The following GRB10 variants were observed in gnomAD, a reference collection of about 807,000 sequenced individuals.
The protein encoded by GRB10 is growth factor receptor-bound protein 10.
In GRB10, 20 loss-of-function variants were observed where a neutral mutation model predicts 80.9. The ratio of observed to expected loss-of-function variants is 0.25; its 90% confidence interval spans 0.17 to 0.36. The LOEUF (loss-of-function observed/expected upper bound fraction) is 0.36. Among genes scored for constraint, GRB10 ranks in the 10% least tolerant of loss-of-function variants. The pLI, the probability that GRB10 is intolerant of heterozygous loss-of-function variation, is 1.00. For synonymous variants in GRB10, 291 were observed against 291.5 expected (o/e 1.00, Z 0.02); for missense variants, 548 against 747.7 (o/e 0.73, Z 3.12).
chr7:50,622,784 T>G (rs1216638809), intron 8 of GRB10, among the ~76,000 whole-genome samples: 4 of 151,038 alleles, frequency 2.6e-5, no homozygotes, highest in Admixed American at 2.6e-4. Flanking sequence ...AAAATTCCTT[T>G]TATCTTTTTT....
At chr7:50,671,852 A>G (rs146295722) in intron 6 of GRB10, among the ~76,000 whole-genome samples, 1 of 152,392 alleles carries the variant, frequency 6.6e-6, no homozygotes, top group Non-Finnish European at 1.5e-5. Context: ...CGCCTAAGGC[A>G]AGACTAAGGG....
At chr7:50,631,655 T>G (rs2190495) in intron 7 of GRB10, among the ~76,000 whole-genome samples, 69,934 of 152,006 alleles carry the variant, frequency 0.46, 17,086 homozygotes, top group South Asian at 0.54. Flanking sequence ...AGGCAAAAGG[T>G]CCCGAAGACG....
intron 3 of GRB10, among the ~76,000 whole-genome samples, chr7:50,736,884 G>T (rs1213586179): frequency 6.6e-6 from 1 of 152,124 alleles, no homozygotes; most frequent in Non-Finnish European, 1.5e-5. Flanking sequence ...TAAGCAAAAA[G>T]CAACTCAAAA....
intron 2 of GRB10, 155 bp from the exon 3 acceptor site, chr7:50,756,211 C>T (rs547279494): frequency 1.5e-5 from 6 of 396,296 alleles, no homozygotes; most frequent in Admixed American, 4.4e-5. Flanking sequence ...AAAACAAGGA[C>T]GTGACTAAGT....
chr7:50,633,225 C>T (rs2054335600), intron 7 of GRB10, among the ~76,000 whole-genome samples: 1 of 152,174 alleles, frequency 6.6e-6, no homozygotes, highest in African/African-American at 2.4e-5. Context: ...GTGAGTCTGA[C>T]CACTGGTCCA....
chr7:50,676,705 GAAACA>G (rs1053944501), intron 5 of GRB10, among the ~76,000 whole-genome samples: 2 of 152,100 alleles, frequency 1.3e-5, no homozygotes, highest in Non-Finnish European at 2.9e-5. Context: ...AAGACATAAG[GAAACA>G]AAACAACAAC....
chr7:50,612,196 G>C (rs988145756), intron 13 of GRB10, among the ~76,000 whole-genome samples: 1 of 152,126 alleles, frequency 6.6e-6, no homozygotes, highest in South Asian at 2.1e-4. Context: ...TCATGGCCCT[G>C]GCTTTTTGGG....
chr7:50,653,563 G>A (rs1563305057), intron 7 of GRB10, among the ~76,000 whole-genome samples: 3 of 152,174 alleles, frequency 2.0e-5, no homozygotes, highest in Admixed American at 2.0e-4. Flanking sequence ...CTGCACAACT[G>A]CCCTGCATGT....
rs529022323 is a variant in GRB10 at position 50,660,430 on chromosome 7, C to T, written c.504+9292G>A. Among the ~76,000 whole-genome samples, 10 of 152,278 alleles carry T rather than the reference C, an allele frequency of 6.6e-5. No individual in the cohort carries two copies. In the East Asian group the frequency reaches 1.4e-3, roughly 21 times the overall value. The stretch of plus-strand genomic sequence containing the variant: ...TTCACACGGCAAGAGGGGAGGCAGC[C>T]GTGGTGCAGATTTGACTGTCCTGAG... On this transcript the variant is annotated intron_variant, in intron 7 of 18. Transcript: ENST00000401949.
At chr7:50,675,567 C>G (rs1300704083) in intron 5 of GRB10, among the ~76,000 whole-genome samples, 1 of 152,188 alleles carries the variant, frequency 6.6e-6, no homozygotes, top group Admixed American at 6.5e-5. Flanking sequence ...ACCTGAAGAC[C>G]TGAATAGAAG....
chr7:50,737,344 T>C (rs113824317), intron 3 of GRB10, among the ~76,000 whole-genome samples: 9,718 of 152,190 alleles, frequency 0.064, 1,027 homozygotes, highest in African/African-American at 0.22. Flanking sequence ...TGTTTAAAAG[T>C]GTGTAGCACC....
chr7:50,749,673 A>G (rs573719363), intron 3 of GRB10, among the ~76,000 whole-genome samples: 123 of 152,312 alleles, frequency 8.1e-4, no homozygotes, highest in African/African-American at 2.8e-3. Flanking sequence ...ATCATCTTCT[A>G]ATGCAATCAT....
chr7:50,748,598 C>T (rs1376890576), intron 3 of GRB10, among the ~76,000 whole-genome samples: 6 of 152,204 alleles, frequency 3.9e-5, no homozygotes, highest in Non-Finnish European at 5.9e-5. Flanking sequence ...CTCAGCTAAG[C>T]GCTGACTTCC....
chr7:50,742,255 A>ACGCGCGCGCG (rs764613646), intron 3 of GRB10, among the ~76,000 whole-genome samples: 1 of 33,212 alleles, frequency 3.0e-5, no homozygotes, highest in African/African-American at 1.3e-4. Context: ...GTGTAAACAC[A>ACGCGCGCGCG]CGCGCACGCG....
rs111490901 is a variant in GRB10 at position 50,639,422 on chromosome 7, T to C, written c.505-12444A>G. Among the ~76,000 whole-genome samples, 302 of 152,306 alleles carry C rather than the reference T, an allele frequency of 2.0e-3. 1 individual carries two copies. Among genetic ancestry groups the C allele is most frequent in the African/African-American group, 6.9e-3 (287 of 41,554 alleles). Reference sequence around the variant, plus strand: ...CAGGCGCAGTGGCTCACGCCTGTAATCCCAGCACCTTGGGAGGCCGAAGTG... The same window carrying C: ...CAGGCGCAGTGGCTCACGCCTGTAACCCCAGCACCTTGGGAGGCCGAAGTG... On this transcript the variant is annotated intron_variant, in intron 7 of 18. Transcript: ENST00000401949.
At chr7:50,647,190 A>C (rs1435537452) in intron 7 of GRB10, among the ~76,000 whole-genome samples, 3 of 152,242 alleles carry the variant, frequency 2.0e-5, no homozygotes, top group Non-Finnish European at 4.4e-5. Context: ...TTGGTTATAT[A>C]GATGTGGCAT....
intron 7 of GRB10, among the ~76,000 whole-genome samples, chr7:50,650,155 A>C (rs1288993031): frequency 6.6e-6 from 1 of 152,226 alleles, no homozygotes; most frequent in Non-Finnish European, 1.5e-5. Context: ...AGAGATCACA[A>C]GCTGGGGTCG....
intron 8 of GRB10, among the ~76,000 whole-genome samples, chr7:50,625,429 G>A (rs1250112122): frequency 1.3e-5 from 2 of 152,000 alleles, no homozygotes; most frequent in East Asian, 3.9e-4. Context: ...CACATGTAGA[G>A]ACACATGCTG....
chr7:50,634,291 T>C (rs1310253294), intron 7 of GRB10, among the ~76,000 whole-genome samples: 1 of 152,148 alleles, frequency 6.6e-6, no homozygotes, highest in Non-Finnish European at 1.5e-5. Context: ...TCTGCCAAAC[T>C]AAGCTTCAAA....
Sources: gnomAD v4.1 joint callset for allele counts (sites outside exome capture counted in the v4.1 genomes callset) on GRCh38, gnomAD v4.1.1 for gene constraint, MANE v1.5 for transcripts, NCBI Gene and HGNC (gene_info 2026-07-23, HGNC 2026-07-21) for gene names.